Variants in MACROD2 observed in about 807,000 individuals in gnomAD.
The protein encoded by MACROD2 is mono-ADP ribosylhydrolase 2.
In MACROD2, 36 loss-of-function variants were observed where a neutral mutation model predicts 70.4. That is an observed-to-expected ratio of 0.51 (90% CI 0.39 to 0.68). The LOEUF (loss-of-function observed/expected upper bound fraction) is 0.68. Among genes scored for constraint, MACROD2 ranks in the 30% least tolerant of loss-of-function variants. The pLI is 0.00. For missense variants in MACROD2, 496 were observed against 538.4 expected (o/e 0.92, Z 0.78); for synonymous variants, 172 against 178.8 (o/e 0.96, Z 0.30).
intron 8 of MACROD2, among the ~76,000 whole-genome samples, chr20:15,757,870 C>T (rs1365646024): frequency 6.6e-6 from 1 of 152,166 alleles, no homozygotes; most frequent in East Asian, 1.9e-4. Flanking sequence ...GCAAATATCC[C>T]ACATCCAAAT....
intron 8 of MACROD2, among the ~76,000 whole-genome samples, chr20:15,826,425 T>C: frequency 6.6e-6 from 1 of 152,212 alleles, no homozygotes; most frequent in East Asian, 1.9e-4. Flanking sequence ...TTTTAGAAGT[T>C]CTTTAATGCA....
intron 5 of MACROD2, among the ~76,000 whole-genome samples, chr20:14,844,446 G>A (rs1310439966): frequency 6.6e-6 from 1 of 151,952 alleles, no homozygotes; most frequent in African/African-American, 2.4e-5. Context: ...GAACCCAGGA[G>A]ATGGATGTTG....
chr20:15,168,673 A>C (rs2076403199), intron 5 of MACROD2, among the ~76,000 whole-genome samples: 1 of 152,106 alleles, frequency 6.6e-6, no homozygotes, highest in African/African-American at 2.4e-5. Flanking sequence ...ACATTCAATG[A>C]AATATTACTT....
chr20:14,094,611 T>C (rs1421597678), intron 3 of MACROD2, among the ~76,000 whole-genome samples: 1 of 152,204 alleles, frequency 6.6e-6, no homozygotes, highest in Non-Finnish European at 1.5e-5. Flanking sequence ...GGTAGTCTCC[T>C]CTCCTTAGCT....
intron 6 of MACROD2, among the ~76,000 whole-genome samples, chr20:15,418,774 T>A (rs923918771): frequency 6.6e-6 from 1 of 152,198 alleles, no homozygotes; most frequent in Non-Finnish European, 1.5e-5. Flanking sequence ...GGCCTCTCAC[T>A]GAATCCTTTC....
intron 8 of MACROD2, among the ~76,000 whole-genome samples, chr20:15,823,606 G>C (rs1203039646): frequency 1.3e-5 from 2 of 152,152 alleles, no homozygotes; most frequent in Non-Finnish European, 2.9e-5. Flanking sequence ...CACGGCGTTC[G>C]TAAGTTTCCA....
intron 3 of MACROD2, among the ~76,000 whole-genome samples, chr20:14,441,143 A>T (rs1451322687): frequency 6.6e-6 from 1 of 152,202 alleles, no homozygotes; most frequent in African/African-American, 2.4e-5. Context: ...AGAATGTGAT[A>T]GAAGTAATTT....
intron 3 of MACROD2, among the ~76,000 whole-genome samples, chr20:14,431,321 A>T (rs998716367): frequency 7.9e-5 from 12 of 152,018 alleles, no homozygotes; most frequent in African/African-American, 2.7e-4. Flanking sequence ...GAAACCCTAT[A>T]CTCTCTGATG....
chr20:14,668,894 C>G (rs982949341), intron 4 of MACROD2, among the ~76,000 whole-genome samples: 1 of 151,682 alleles, frequency 6.6e-6, no homozygotes, highest in Non-Finnish European at 1.5e-5. Context: ...ACTATGAGCC[C>G]TATTGAATAA....
intron 5 of MACROD2, among the ~76,000 whole-genome samples, chr20:14,746,052 T>C (rs1485522525): frequency 1.3e-5 from 2 of 152,118 alleles, no homozygotes; most frequent in Non-Finnish European, 1.5e-5. Flanking sequence ...TACCACCTCA[T>C]GGCTACTCCT....
At chr20:14,031,334 T>C (rs1229881170) in intron 2 of MACROD2, among the ~76,000 whole-genome samples, 1 of 152,168 alleles carries the variant, frequency 6.6e-6, no homozygotes. Flanking sequence ...TCAGTGTGCA[T>C]ATGGCTTGGA....
chr20:15,978,617 G>A (rs1453456764), intron 13 of MACROD2, among the ~76,000 whole-genome samples: 7 of 114,774 alleles, frequency 6.1e-5, no homozygotes, highest in Non-Finnish European at 1.2e-4. Context: ...TCTCTCTCTC[G>A]TTCTTTCTCT....
intron 3 of MACROD2, among the ~76,000 whole-genome samples, chr20:14,474,019 C>CT (rs931372989): frequency 7.3e-5 from 11 of 151,490 alleles, no homozygotes; most frequent in African/African-American, 2.4e-4. Context: ...TTATTTTTTA[C>CT]TTTTTTTTGC....
intron 15 of MACROD2, among the ~76,000 whole-genome samples, chr20:15,996,185 T>C (rs1263317758): frequency 6.6e-6 from 1 of 152,228 alleles, no homozygotes; most frequent in Non-Finnish European, 1.5e-5. Context: ...TCTTGCCTTT[T>C]TAATGAAACT....
intron 8 of MACROD2, among the ~76,000 whole-genome samples, chr20:15,740,790 C>G (rs1989418947): frequency 6.6e-6 from 1 of 151,876 alleles, no homozygotes; most frequent in South Asian, 2.1e-4. Context: ...ACTCTTGAGT[C>G]CTCTCTGACC....
intron 5 of MACROD2, among the ~76,000 whole-genome samples, chr20:15,183,909 A>G (rs777982858): frequency 6.6e-6 from 1 of 152,196 alleles, no homozygotes; most frequent in East Asian, 1.9e-4. Flanking sequence ...TGGAGCCCCA[A>G]TTCTTAATGG....
chr20:14,648,644 A>ATATATATATATC (rs1330379729), intron 4 of MACROD2, among the ~76,000 whole-genome samples: 4 of 151,504 alleles, frequency 2.6e-5, no homozygotes, highest in African/African-American at 9.7e-5. Flanking sequence ...ATATCTATCT[A>ATATATATATATC]TCTCACATAC....
chr20:14,887,580 G>A (rs893166205), intron 5 of MACROD2, among the ~76,000 whole-genome samples: 6 of 151,650 alleles, frequency 4.0e-5, no homozygotes, highest in African/African-American at 4.8e-5. Flanking sequence ...TGGAGACGGC[G>A]TTTCACCATG....
At chr20:14,325,369 G>A (rs989100985) in intron 3 of MACROD2, 2 of 505,156 alleles carry the variant, frequency 4.0e-6, no homozygotes, top group South Asian at 4.2e-5. Context: ...TACATCAATC[G>A]CAGCAGTAAC....
Sources: allele counts gnomAD v4.1 joint callset (sites outside exome capture counted in the v4.1 genomes callset), GRCh38; gene constraint gnomAD v4.1.1; transcripts MANE v1.5; gene names NCBI Gene and HGNC (gene_info 2026-07-23, HGNC 2026-07-21).